Variants in PDK1 observed in about 807,000 individuals in gnomAD.
The protein encoded by PDK1 is pyruvate dehydrogenase kinase 1.
In PDK1, 39 loss-of-function variants were observed where a neutral mutation model predicts 54.2. The ratio of observed to expected loss-of-function variants is 0.72; its 90% CI spans 0.56 to 0.94. The LOEUF is 0.94. Ranked by LOEUF, PDK1 falls within the 40% of genes least tolerant of loss-of-function variation. The pLI is 0.00. For missense variants in PDK1, 552 were observed against 566.0 expected, an observed-to-expected ratio of 0.98 and a Z score of 0.25; for synonymous variants, 221 against 207.1, an observed-to-expected ratio of 1.07 and a Z score of -0.58.
chr2:172,568,714 T>G (rs776087232), intron 6 of PDK1, 27 bp from the exon 7 acceptor site: 6 of 1,409,156 alleles, frequency 4.3e-6, no homozygotes, highest in Non-Finnish European at 3.0e-6. Context: ...TCTCTGTACT[T>G]TCATATTTTT....
chr2:172,678,875 T>C, the PDK1 span: 1 of 152,200 alleles, frequency 6.6e-6, no homozygotes, highest in Admixed American at 6.5e-5. Flanking sequence ...TGTAATGGCT[T>C]ACCAGGCTTA....
At chr2:172,652,431 C>T in the PDK1 span, among the ~76,000 whole-genome samples, 1 of 152,146 alleles carries the variant, frequency 6.6e-6, no homozygotes, top group Admixed American at 6.5e-5. Flanking sequence ...CCCTCTCTCA[C>T]CACTCCTGTT....
chr2:172,587,025 A>C (rs1690267578), intron 9 of PDK1, among the ~76,000 whole-genome samples: 1 of 152,158 alleles, frequency 6.6e-6, no homozygotes, highest in East Asian at 1.9e-4. Context: ...TAGGCTTGGA[A>C]ACTTCTCTGA....
chr2:172,610,647 C>T (rs200274483), downstream of PDK1, among the ~76,000 whole-genome samples: 2 of 152,264 alleles, frequency 1.3e-5, no homozygotes, highest in East Asian at 3.9e-4. Context: ...ATCTCACTCT[C>T]TTGCACAGGC....
chr2:172,585,049 T>C (rs1322081381), intron 8 of PDK1, among the ~76,000 whole-genome samples: 1 of 151,864 alleles, frequency 6.6e-6, no homozygotes, highest in Non-Finnish European at 1.5e-5. Context: ...CAGGCTGGAG[T>C]ACAGTGGTGC....
chr2:172,590,040 G>GGT (rs1239340263), intron 9 of PDK1, among the ~76,000 whole-genome samples: 2 of 152,182 alleles, frequency 1.3e-5, no homozygotes, highest in East Asian at 3.8e-4. Context: ...AAGACAGTGG[G>GGT]GTAGGGGTGG....
chr2:172,562,245 CTTGATT>C lies in PDK1; in HGVS notation c.367_372del (p.Asp123_Phe124del), dbSNP rs1264982694. 1 of 1,598,784 alleles carries C rather than the reference CTTGATT, an allele frequency of 6.3e-7. No homozygotes were observed. The highest frequency in any genetic ancestry group is 8.6e-7 in the Non-Finnish European group (1 of 1,166,324). On this transcript the variant is annotated inframe_deletion, in exon 3 of 11. Transcript: ENST00000282077. ...GTATATCCAGAGTCTTCAGGAGCTT[CTTGATT>C]TTAAGGACAAAAGTGCTGAGGATGC...
At chr2:172,623,855 T>C in the PDK1 span, among the ~76,000 whole-genome samples, 691 of 152,324 alleles carry the variant, frequency 4.5e-3, 9 homozygotes, top group African/African-American at 0.016. Context: ...AGGTTGCTCA[T>C]TGGGCACTCC....
chr2:172,580,224 A>G (rs1440268270), intron 8 of PDK1, among the ~76,000 whole-genome samples: 1 of 143,186 alleles, frequency 7.0e-6, no homozygotes, highest in African/African-American at 2.6e-5. Flanking sequence ...TGTAAAAACA[A>G]TATGAATGTA....
At chr2:172,630,444 G>C in the PDK1 span, among the ~76,000 whole-genome samples, 1 of 152,092 alleles carries the variant, frequency 6.6e-6, no homozygotes, top group African/African-American at 2.4e-5. Flanking sequence ...TCAAGTGCTT[G>C]GTAACCCAGT....
intron 8 of PDK1, among the ~76,000 whole-genome samples, chr2:172,578,454 C>G (rs1392169564): frequency 6.6e-6 from 1 of 152,024 alleles, no homozygotes; most frequent in African/African-American, 2.4e-5. Flanking sequence ...TGATGCATAT[C>G]ATTTTATTGC....
the PDK1 span, among the ~76,000 whole-genome samples, chr2:172,642,546 G>A: frequency 6.6e-6 from 1 of 152,194 alleles, no homozygotes; most frequent in African/African-American, 2.4e-5. Context: ...CTCAGCGTGG[G>A]ACCCAATGGC....
chr2:172,600,739 CGCTT>C lies in PDK1; in HGVS notation c.*4771_*4774del, dbSNP rs1691086662. ...ATCTTATCCTCCTAGGGTCCGAGGA[CGCTT>C]TAGTTGGGACCAGGTGTGCTATCTG... On this transcript the variant is annotated 3_prime_UTR_variant, in exon 11 of 11. Transcript: ENST00000282077. The C allele has an allele frequency of 3.9e-5, 6 of 152,254 alleles. No homozygotes were observed. The highest frequency in any genetic ancestry group is 1.4e-4 in the African/African-American group (6 of 41,426). The allele number at this position is 152,254 out of a possible 1,614,324, so 9.4% of individuals were successfully genotyped here. A position where few individuals can be genotyped will look rare whatever the true frequency, so the allele number is the denominator to read the frequency against.
the PDK1 span, among the ~76,000 whole-genome samples, chr2:172,701,205 C>T: frequency 6.6e-6 from 1 of 152,238 alleles, no homozygotes; most frequent in Non-Finnish European, 1.5e-5. Context: ...GCTTCCCAGA[C>T]ACAAGCACTA....
intron 9 of PDK1, among the ~76,000 whole-genome samples, chr2:172,586,606 AC>A (rs1389306575): frequency 6.6e-6 from 1 of 152,006 alleles, no homozygotes; most frequent in Non-Finnish European, 1.5e-5. Context: ...AGTTCTTGTT[AC>A]AAAGTTTGAT....
chr2:172,719,090 T>C, the PDK1 span, among the ~76,000 whole-genome samples: 3 of 152,210 alleles, frequency 2.0e-5, no homozygotes, highest in Admixed American at 6.5e-5. Context: ...TCCTCTAGTC[T>C]TTTTCCTCTT....
Position 172,597,172 on chromosome 2 carries a change from T to A in PDK1, c.*1203T>A, listed in dbSNP as rs1690941317. The A allele has an allele frequency of 6.6e-6, 1 of 151,780 alleles. No individual in the cohort carries two copies. Among genetic ancestry groups the A allele is most frequent in the Non-Finnish European group, 1.5e-5 (1 of 67,988 alleles). 9.4% of individuals were successfully genotyped at this position (151,780 alleles called of 1,614,324 possible). On this transcript the variant is annotated 3_prime_UTR_variant, in exon 11 of 11. Coordinates refer to ENST00000282077, the MANE Select transcript of PDK1 (RefSeq NM_002610.5). ...CCCAGGATGGAGTACAGTGGCATGGTCAAGGCTCACTGCAGCTTCAATCTT... is the reference window on the plus strand; with the variant it reads ...CCCAGGATGGAGTACAGTGGCATGGACAAGGCTCACTGCAGCTTCAATCTT...
the PDK1 span, among the ~76,000 whole-genome samples, chr2:172,646,754 T>TTTTTTTTTTTTTTTTTTTTTTTGAGTTA: frequency 6.9e-6 from 1 of 145,890 alleles, no homozygotes; most frequent in African/African-American, 2.6e-5. Context: ...TTTTTTTTTT[T>TTTTTTTTTTTTTTTTTTTTTTTGAGTTA]GAGATAGAGT....
downstream of PDK1, among the ~76,000 whole-genome samples, chr2:172,610,770 C>A (rs1051294265): frequency 6.6e-6 from 1 of 151,992 alleles, no homozygotes; most frequent in African/African-American, 2.4e-5. Flanking sequence ...GTCATCATGC[C>A]CGGCTAATTT....
Sources: gnomAD v4.1 joint callset for allele counts (sites outside exome capture counted in the v4.1 genomes callset) on GRCh38, gnomAD v4.1.1 for gene constraint, MANE v1.5 for transcripts, NCBI Gene and HGNC (gene_info 2026-07-23, HGNC 2026-07-21) for gene names.